The following TRPM5 variants were observed in gnomAD, a reference collection of about 807,000 sequenced individuals.
TRPM5 encodes the protein transient receptor potential cation channel subfamily M member 5.
Under a neutral mutation model 124.9 loss-of-function variants are expected in TRPM5, and 121 were observed. That is an observed-to-expected ratio of 0.97 (90% confidence interval 0.84 to 1.13). The LOEUF (loss-of-function observed/expected upper bound fraction) is 1.13. Among genes scored for constraint, TRPM5 ranks in the 50% most tolerant of loss-of-function variants. TRPM5 has a pLI of 0.00. For missense variants in TRPM5, 1,643 were observed against 1,589.1 expected (o/e 1.03, Z -0.58); for synonymous variants, 781 against 700.5 (o/e 1.11, Z -1.81).
At chr11:2,410,149 G>A (rs2133506425) in intron 18 of TRPM5, among the ~76,000 whole-genome samples, 1 of 152,330 alleles carries the variant, frequency 6.6e-6, no homozygotes, top group South Asian at 2.1e-4. Flanking sequence ...GAAAATGAAT[G>A]CCTGTGATGA....
chr11:2,444,317 C>T, the TRPM5 span, among the ~76,000 whole-genome samples: 1 of 151,994 alleles, frequency 6.6e-6, no homozygotes, highest in African/African-American at 2.4e-5. Flanking sequence ...CTTTCCTCCC[C>T]CCAACCCCAA....
intron 22 of TRPM5, among the ~76,000 whole-genome samples, 182 bp from the exon 28 acceptor site, chr11:2,405,775 G>C (rs558741139): frequency 2.3e-4 from 35 of 152,138 alleles, no homozygotes; most frequent in African/African-American, 8.4e-4. Flanking sequence ...AGTGAAAGGC[G>C]AGGGGTCTTC....
downstream of TRPM5, chr11:2,404,466 C>T (rs549283982): frequency 3.0e-3 from 464 of 155,146 alleles, 3 homozygotes; most frequent in Non-Finnish European, 4.7e-3. Context: ...TCACCTGAGC[C>T]CCAAAGGACC....
At chr11:2,409,515 C>T (rs1027101988) in intron 18 of TRPM5, among the ~76,000 whole-genome samples, 3 of 152,180 alleles carry the variant, frequency 2.0e-5, no homozygotes, top group African/African-American at 4.8e-5. Context: ...AGCTCCGGCT[C>T]GGCACGAGTG....
intron 21 of TRPM5, 121 bp from the exon 27 acceptor site, chr11:2,406,212 T>G: frequency 9.6e-7 from 1 of 1,042,948 alleles, no homozygotes. Flanking sequence ...GCCCTTTCCC[T>G]TCCTCCCTCA....
chr11:2,410,708 C>T (rs1187297725), intron 18 of TRPM5: 2 of 455,338 alleles, frequency 4.4e-6, no homozygotes, highest in African/African-American at 4.0e-5. Context: ...CCAGAGCCTC[C>T]ACCAGCCCCA....
chr11:2,429,102 AATG>A, the TRPM5 span, among the ~76,000 whole-genome samples: 617 of 139,772 alleles, frequency 4.4e-3, 10 homozygotes, highest in South Asian at 0.037. The surrounding 1 kb of genome is among the most constrained non-coding windows in gnomAD (Gnocchi z 8.4). Context: ...AGGTGGTAGT[AATG>A]ATGATGGTGG....
intron 7 of TRPM5, among the ~76,000 whole-genome samples, chr11:2,417,379 C>G (rs1366498516): frequency 1.3e-5 from 2 of 151,806 alleles, no homozygotes. Context: ...CACTTCAACT[C>G]GGGAGGTGGA....
rs977241098 is a variant in TRPM5, at chr11:2,405,512, C to T, written c.3391+15G>A. ...CCATGCCCACCCTCATCCCACGCTC[C>T]CCAAACAGGCTTACTCCGGGGGCCG... On this transcript the variant is annotated intron_variant, in intron 23 of 23. Transcript: ENST00000155858. 1.9e-6 allele frequency: 3 copies of T among 1,554,150 alleles called. No homozygotes were observed. Among genetic ancestry groups the T allele is most frequent in the East Asian group, 2.4e-5 (1 of 41,408 alleles).
At chr11:2,423,681 A>G (rs368612725), upstream of TRPM5, among the ~76,000 whole-genome samples, 190 of 152,310 alleles carry the variant, frequency 1.2e-3, 7 homozygotes, top group South Asian at 0.038. Flanking sequence ...TGGCGCTCCC[A>G]CATCAGCAAG....
intron 2 of TRPM5, 138 bp downstream of exon 7, chr11:2,422,003 G>C: frequency 1.2e-6 from 1 of 808,452 alleles, no homozygotes; most frequent in South Asian, 1.9e-5. Context: ...AGCATTGCCT[G>C]TGCCGGGTGG....
At chr11:2,413,716 C>T in intron 12 of TRPM5, 128 bp from the exon 18 acceptor site, 2 of 890,398 alleles carry the variant, frequency 2.2e-6, no homozygotes, top group Non-Finnish European at 3.6e-6. Flanking sequence ...CCAGCCCTCC[C>T]TCCCGGAGCC....
exon 15 of TRPM5, chr11:2,413,003 C>T: frequency 6.2e-7 from 1 of 1,603,948 alleles, no homozygotes; most frequent in South Asian, 1.1e-5. Context: ...CCTCCACCAG[C>T]TCCTCCACCC....
chr11:2,413,054 G>T (rs369447272), intron 14 of TRPM5, 42 bp from the exon 20 acceptor site: 153 of 1,562,578 alleles, frequency 9.8e-5, no homozygotes, highest in Non-Finnish European at 1.2e-4. Flanking sequence ...CTGGCGCCCA[G>T]CCGGGTGCCC....
chr11:2,409,992 G>A (rs533470750), intron 18 of TRPM5, among the ~76,000 whole-genome samples: 4 of 152,332 alleles, frequency 2.6e-5, no homozygotes, highest in Admixed American at 2.6e-4. Flanking sequence ...CAAGAAAGAG[G>A]GGACCCCCAA....
At chr11:2,407,650 C>G in intron 19 of TRPM5, 109 bp downstream of exon 24, 6 of 1,434,306 alleles carry the variant, frequency 4.2e-6, no homozygotes, top group Non-Finnish European at 5.7e-6. Context: ...GGCACCAAGC[C>G]TCACCCTCTG....
chr11:2,425,658 C>A (rs963069207), upstream of TRPM5, among the ~76,000 whole-genome samples: 9 of 152,234 alleles, frequency 5.9e-5, no homozygotes, highest in Non-Finnish European at 1.2e-4. Context: ...GGTCCTCAGG[C>A]TGGCCTTCAC....
At chr11:2,417,706 G>GGGCCCCCCCCCCCCC in intron 7 of TRPM5, 21 bp downstream of exon 12, 5 of 1,087,302 alleles carry the variant, frequency 4.6e-6, no homozygotes, top group Admixed American at 2.0e-5. Flanking sequence ...CGCCTGCCTT[G>GGGCCCCCCCCCCCCC]CCCACCCTGC....
exon 13 of TRPM5, chr11:2,413,489 G>T (rs1850496567): frequency 1.2e-6 from 2 of 1,610,978 alleles, no homozygotes; most frequent in Non-Finnish European, 1.7e-6. Context: ...AAGGTGATGA[G>T]GTTGGTATAG....
Sources: allele counts gnomAD v4.1 joint callset (sites outside exome capture counted in the v4.1 genomes callset), GRCh38; gene constraint gnomAD v4.1.1; non-coding constraint Gnocchi (gnomAD v3.1); transcripts MANE v1.5; gene names NCBI Gene and HGNC (gene_info 2026-07-23, HGNC 2026-07-21).